The following PIEZO1 variants were observed in gnomAD, a reference collection of about 807,000 sequenced individuals.
PIEZO1 encodes piezo type mechanosensitive ion channel component 1 (Er blood group).
PIEZO1 carries 296 observed loss-of-function variants against 297.2 expected under a neutral mutation model. The observed-to-expected ratio is 1.00, with a 90% confidence interval of 0.91 to 1.10. The LOEUF is 1.10. Among genes scored for constraint, PIEZO1 ranks in the 50% least tolerant of loss-of-function variants. PIEZO1 has a pLI of 0.00. For synonymous variants in PIEZO1, 2,427 were observed against 1,507.5 expected (o/e 1.61, Z -14.13); for missense variants, 5,018 against 3,455.5 (o/e 1.45, Z -11.34).
chr16:88,721,282 G>T lies in PIEZO1; in HGVS notation c.5552C>A (p.Thr1851Lys), dbSNP rs34370460. The change falls in exon 39 of 51, where the codon ACG becomes AAG. Residue 1851 changes from threonine (T) to lysine (K), a missense_variant. Physicochemically the swap from Thr to Lys is moderately conservative, Grantham distance 78. Coordinates refer to ENST00000301015, the MANE Select transcript of PIEZO1 (RefSeq NM_001142864.4). ...HIQVEARVGP[T>K]DGTPEPQVEL... ...CACTTGGGGTTCTGGGGTCCCGTCC[G>T]TGGGTCCGACCCTGGCTTCCACCTG... is the stretch of plus-strand genomic sequence containing the variant. 5.0e-5 allele frequency: 77 copies of T among 1,544,696 alleles called. No individual in the cohort carries two copies. Among genetic ancestry groups the T allele is most frequent in the Non-Finnish European group, 6.7e-5 (77 of 1,146,634 alleles).
chr16:88,726,224 C>T, intron 27 of PIEZO1, 60 bp downstream of exon 27: 2 of 1,406,878 alleles, frequency 1.4e-6, no homozygotes, highest in Non-Finnish European at 1.9e-6. Context: ...GAGGAACCTC[C>T]CATTGCCCCC....
At chr16:88,766,226 G>A (rs1024176861) in intron 1 of PIEZO1, among the ~76,000 whole-genome samples, 2 of 152,164 alleles carry the variant, frequency 1.3e-5, no homozygotes, top group Non-Finnish European at 2.9e-5. Flanking sequence ...CGGCATGAGG[G>A]CCTCATCCAA....
intron 1 of PIEZO1, among the ~76,000 whole-genome samples, chr16:88,780,817 T>C (rs1907897166): frequency 6.6e-6 from 1 of 151,968 alleles, no homozygotes; most frequent in South Asian, 2.1e-4. Context: ...AAAAATTAGG[T>C]ATGGTGCTAC....
chr16:88,743,675 T>A, intron 2 of PIEZO1: 1 of 456,500 alleles, frequency 2.2e-6, no homozygotes, highest in Non-Finnish European at 4.4e-6. Flanking sequence ...CAAAGACTCA[T>A]GACCCACGTC....
chr16:88,773,181 G>A (rs79468788), intron 1 of PIEZO1, among the ~76,000 whole-genome samples: 99 of 152,346 alleles, frequency 6.5e-4, no homozygotes, highest in African/African-American at 2.2e-3. Flanking sequence ...GATTCAGGCT[G>A]AGCCTCCCCC....
In PIEZO1 at chr16:88,720,820, A is replaced by C. The variant is rs145903917; in HGVS notation, c.5669-72T>G. ...CTGGCTCATGGCTCCTGACCACCCTAAGAGGCTGGCATTCTCCCTGTTTGA... is the reference window on the plus strand; with the variant it reads ...CTGGCTCATGGCTCCTGACCACCCTCAGAGGCTGGCATTCTCCCTGTTTGA... On this transcript the variant is annotated intron_variant, in intron 39 of 50. Transcript: ENST00000301015. The C allele has an allele frequency of 7.2e-3, 10,161 of 1,412,068 alleles. 49 individuals carry two copies. The highest frequency in any genetic ancestry group is 8.5e-3 in the Non-Finnish European group (9,184 of 1,074,182). 87.5% of individuals were successfully genotyped at this position (1,412,068 alleles called of 1,614,324 possible).
At position 88,717,223 on chromosome 16, in the gene PIEZO1, C is replaced by G. The variant is rs769413041; in HGVS notation, c.6472-12G>C. On this transcript the variant is annotated splice_polypyrimidine_tract_variant and intron_variant, in intron 44 of 50. Coordinates refer to ENST00000301015, the MANE Select transcript of PIEZO1 (RefSeq NM_001142864.4). The stretch of plus-strand genomic sequence containing the variant: ...GGCTGCGGGTATTTCTGGAGGGGAA[C>G]GACACAGGTCATACGCTCAGCTCTG... The G allele has an allele frequency of 2.6e-6, 4 of 1,545,390 alleles. No individual in the cohort carries two copies. The Admixed American group carries it at 5.9e-5, about 23-fold the overall frequency.
chr16:88,749,215 G>A (rs1016404215), intron 2 of PIEZO1, among the ~76,000 whole-genome samples, 169 bp downstream of exon 2: 2 of 152,076 alleles, frequency 1.3e-5, no homozygotes, highest in African/African-American at 2.4e-5. Context: ...ACTCCAGCCT[G>A]GGCGACTGAG....
At chr16:88,733,090 T>C (rs913883674) in intron 19 of PIEZO1, 188 bp downstream of exon 19, 30 of 611,602 alleles carry the variant, frequency 4.9e-5, no homozygotes, top group Non-Finnish European at 6.6e-5. Flanking sequence ...GTGCAGGGAG[T>C]GCGCCCCTGG....
At chr16:88,757,327 T>TGGGGGGGGG (rs200851830) in intron 1 of PIEZO1, among the ~76,000 whole-genome samples, 2 of 42,692 alleles carry the variant, frequency 4.7e-5, no homozygotes, top group Non-Finnish European at 1.0e-4. Flanking sequence ...GGCGGGGGGG[T>TGGGGGGGGG]GGGGGGTAGT....
intron 22 of PIEZO1, chr16:88,731,332 C>T (rs1243669055): frequency 4.2e-6 from 1 of 237,966 alleles, no homozygotes; most frequent in East Asian, 1.0e-4. Context: ...GGCTCAGACA[C>T]CCTCACCCAG....
At chr16:88,732,901 G>T in intron 19 of PIEZO1, 169 bp from the exon 20 acceptor site, 1 of 657,660 alleles carries the variant, frequency 1.5e-6, no homozygotes, top group Non-Finnish European at 2.6e-6. Context: ...CCAGGTGTTT[G>T]AGAAACAGGG....
In PIEZO1 at chr16:88,726,425, C is replaced by A; in HGVS notation, c.3827G>T (p.Cys1276Phe). ...GCCAGCCTCCTCCACAGGCAGCAGG[C>A]AGTCCTGGTCTCTGTCCATCATCTC... ...PKEMMDRDQD[C>F]LLPVEEAGII... Residue 1276 changes from cysteine to phenylalanine, a missense_variant, in exon 27 of 51, where the codon TGC becomes TTC. Physicochemically the swap from Cys to Phe is radical, Grantham distance 205. Coordinates refer to ENST00000301015, the MANE Select transcript of PIEZO1 (RefSeq NM_001142864.4). The A allele has an allele frequency of 6.4e-7, 1 of 1,550,486 alleles. No individual in the cohort carries two copies. The highest frequency in any genetic ancestry group is 8.7e-7 in the Non-Finnish European group (1 of 1,146,906).
chr16:88,761,858 G>C (rs972613943), intron 1 of PIEZO1, among the ~76,000 whole-genome samples: 1 of 152,118 alleles, frequency 6.6e-6, no homozygotes, highest in African/African-American at 2.4e-5. Flanking sequence ...TCCCCTGCAG[G>C]GTCAGGGATC....
chr16:88,779,655 T>C (rs992430088), intron 1 of PIEZO1, among the ~76,000 whole-genome samples: 6 of 152,190 alleles, frequency 3.9e-5, no homozygotes, highest in African/African-American at 1.2e-4. Context: ...TGGGCTGGGC[T>C]GCAGACACCC....
intron 1 of PIEZO1, among the ~76,000 whole-genome samples, chr16:88,778,751 C>A (rs1021920569): frequency 6.6e-6 from 1 of 152,192 alleles, no homozygotes; most frequent in Non-Finnish European, 1.5e-5. Context: ...AGCAAAAATA[C>A]GGCCTGCGGT....
Position 88,733,228 on chromosome 16 carries a change from T to A in PIEZO1, c.2664+50A>T. The A allele has an allele frequency of 7.3e-6, 11 of 1,502,584 alleles. No individual in the cohort carries two copies. In the South Asian group the frequency reaches 8.6e-5, roughly 12 times the overall value. 93.1% of individuals were successfully genotyped at this position (1,502,584 alleles called of 1,614,324 possible). A position where few individuals can be genotyped will look rare whatever the true frequency, so the allele number is the denominator to read the frequency against. On this transcript the variant is annotated intron_variant, in intron 19 of 50. Coordinates refer to ENST00000301015, the MANE Select transcript of PIEZO1 (RefSeq NM_001142864.4). ...TGCCCCAGGAGGGTCGGGCTGCGAA[T>A]ACAGAGTTGCCTGGAGCTTCCTCCC... is the stretch of plus-strand genomic sequence containing the variant.
At chr16:88,734,292 G>A (rs1905063363) in intron 16 of PIEZO1, 64 bp downstream of exon 16, 1 of 1,394,282 alleles carries the variant, frequency 7.2e-7, no homozygotes, top group South Asian at 1.5e-5. Flanking sequence ...ACTCCCACCT[G>A]GCTCCCTCCC....
intron 1 of PIEZO1, among the ~76,000 whole-genome samples, chr16:88,762,233 C>A (rs1472754391): frequency 6.6e-6 from 1 of 150,998 alleles, no homozygotes; most frequent in Admixed American, 6.6e-5. Flanking sequence ...GGGGTCTGGG[C>A]AGAGCCCAGC....
Sources: allele counts gnomAD v4.1 joint callset (sites outside exome capture counted in the v4.1 genomes callset), GRCh38; gene constraint gnomAD v4.1.1; transcripts MANE v1.5; gene names NCBI Gene and HGNC (gene_info 2026-07-23, HGNC 2026-07-21).